The following PARVA variants were observed in gnomAD, a reference collection of about 807,000 sequenced individuals.
PARVA encodes the protein parvin alpha, also known as alpha-parvin.
A neutral mutation model predicts 52.6 loss-of-function variants in PARVA; 25 were observed. The ratio of observed to expected loss-of-function variants is 0.48; its 90% confidence interval spans 0.35 to 0.66. The LOEUF (loss-of-function observed/expected upper bound fraction) is 0.66. Among genes scored for constraint, PARVA ranks in the 30% least tolerant of loss-of-function variants. PARVA has a pLI of 0.01. For missense variants in PARVA, 373 were observed against 450.9 expected, an observed-to-expected ratio of 0.83 and a Z score of 1.56; for synonymous variants, 185 against 179.1, an observed-to-expected ratio of 1.03 and a Z score of -0.26.
intron 1 of PARVA, among the ~76,000 whole-genome samples, chr11:12,424,115 T>A (rs1266362597): frequency 1.3e-5 from 2 of 152,174 alleles, no homozygotes; most frequent in Non-Finnish European, 2.9e-5. Context: ...TATTCCTTTA[T>A]TTTTCCCATT....
At chr11:12,442,349 A>C (rs1940478848) in intron 1 of PARVA, among the ~76,000 whole-genome samples, 1 of 152,242 alleles carries the variant, frequency 6.6e-6, no homozygotes. Flanking sequence ...AGCTTTGGGA[A>C]GCATTAAGCA....
At chr11:12,404,853 C>A (rs1939879142) in intron 1 of PARVA, among the ~76,000 whole-genome samples, 1 of 152,190 alleles carries the variant, frequency 6.6e-6, no homozygotes, top group Non-Finnish European at 1.5e-5. Context: ...TGTCTGAAGT[C>A]ACTGAAGAAA....
chr11:12,514,663 A>G (rs1941547053), intron 10 of PARVA, among the ~76,000 whole-genome samples: 2 of 152,030 alleles, frequency 1.3e-5, no homozygotes, highest in Admixed American at 6.5e-5. Context: ...AATTTTTTGT[A>G]TTTAGTAGAG....
At position 12,531,950 on chromosome 11, in the gene PARVA, A is replaced by G. The variant is rs1045412155; in HGVS notation, c.*4025A>G. Among the ~76,000 whole-genome samples the G allele has an allele frequency of 6.6e-6, 1 of 152,152 alleles. No individual in the cohort carries two copies. Among genetic ancestry groups the G allele is most frequent in the African/African-American group, 2.4e-5 (1 of 41,428 alleles). ...GAAAAGTCAGTATGAGTTACTCACA[A>G]TCCTAACTACAAAGGCTACATTTAC... On this transcript the variant is annotated 3_prime_UTR_variant, in exon 13 of 13. Transcript: ENST00000334956.
intron 1 of PARVA, among the ~76,000 whole-genome samples, chr11:12,389,189 C>G (rs527305615): frequency 6.6e-6 from 1 of 152,262 alleles, no homozygotes; most frequent in East Asian, 1.9e-4. Context: ...AGATTTCCAG[C>G]CTGGCCAGTA....
chr11:12,376,582 C>T (rs906844415), upstream of PARVA: 1 of 171,960 alleles, frequency 5.8e-6, no homozygotes, highest in African/African-American at 2.4e-5. Context: ...TTCAGTAAAG[C>T]AGTAGCGCCC....
chr11:12,500,010 T>C (rs1941346125), intron 5 of PARVA, among the ~76,000 whole-genome samples: 1 of 152,180 alleles, frequency 6.6e-6, no homozygotes, highest in African/African-American at 2.4e-5. Flanking sequence ...CCCACTGATA[T>C]CAATACAGCT....
intron 12 of PARVA, among the ~76,000 whole-genome samples, chr11:12,521,556 C>T (rs1941636653): frequency 6.6e-6 from 1 of 152,166 alleles, no homozygotes; most frequent in Admixed American, 6.5e-5. Flanking sequence ...AATGTGGTCT[C>T]CACCCCTGGC....
chr11:12,392,602 T>G (rs1039140391), intron 1 of PARVA, among the ~76,000 whole-genome samples: 5 of 152,202 alleles, frequency 3.3e-5, no homozygotes, highest in African/African-American at 9.7e-5. Context: ...TATTTGAATA[T>G]GCCACATTTT....
intron 8 of PARVA, chr11:12,513,097 A>G: frequency 1.4e-6 from 1 of 693,074 alleles, no homozygotes; most frequent in Admixed American, 2.0e-5. Flanking sequence ...ACGGACACAG[A>G]CACAGGCTCC....
chr11:12,530,320 T>C lies in PARVA; in HGVS notation c.*2395T>C, dbSNP rs1275366344. The C allele has an allele frequency of 6.6e-6, 1 of 152,106 alleles. No homozygotes were observed. The highest frequency in any genetic ancestry group is 6.6e-5 in the Admixed American group (1 of 15,266). The allele number at this position is 152,106 out of a possible 1,614,324, so 9.4% of individuals were successfully genotyped here. On this transcript the variant is annotated 3_prime_UTR_variant, in exon 13 of 13. Coordinates refer to ENST00000334956, the MANE Select transcript of PARVA (RefSeq NM_018222.5). ...AACCTGGAATCTCCTACTTAATATA[T>C]GACCATGACTTTGAAAGGCAAAAGA... is the stretch of plus-strand genomic sequence containing the variant.
intron 1 of PARVA, among the ~76,000 whole-genome samples, chr11:12,398,022 A>G (rs1282644581): frequency 6.6e-6 from 1 of 152,044 alleles, no homozygotes; most frequent in Non-Finnish European, 1.5e-5. Context: ...CAGGCCCAGA[A>G]CAGCTGGGCC....
At chr11:12,411,562 A>C (rs111235703) in intron 1 of PARVA, among the ~76,000 whole-genome samples, 35 of 152,130 alleles carry the variant, frequency 2.3e-4, no homozygotes, top group Non-Finnish European at 4.7e-4. Flanking sequence ...TGGCTATAAT[A>C]GCTTTTTTAC....
rs576330549 is a variant in PARVA, at chr11:12,422,897, C to G, written c.136+45114C>G. Among the ~76,000 whole-genome samples the G allele has an allele frequency of 1.6e-3, 245 of 151,924 alleles. 1 individual carries two copies. The highest frequency in any genetic ancestry group is 5.5e-3 in the African/African-American group (229 of 41,418). On this transcript the variant is annotated intron_variant, in intron 1 of 12. Transcript: ENST00000334956. ...TTGATACTGAGTCTTGCTCTGTTGCCCAGGCTGGAGTGTAGTGGCACAATC... is the reference window on the plus strand; with the variant it reads ...TTGATACTGAGTCTTGCTCTGTTGCGCAGGCTGGAGTGTAGTGGCACAATC...
chr11:12,475,404 C>T (rs1160975999), intron 3 of PARVA, among the ~76,000 whole-genome samples: 1 of 152,238 alleles, frequency 6.6e-6, no homozygotes, highest in Non-Finnish European at 1.5e-5. Flanking sequence ...ATGCACTTCT[C>T]TGTCTCCTTT....
Position 12,517,692 on chromosome 11 carries a change from C to T in PARVA, c.950C>T (p.Pro317Leu), listed in dbSNP as rs756984126. The change falls in exon 11 of 13, where the codon CCG becomes CTG. Residue 317 changes from proline to leucine, a missense_variant. Physicochemically the swap from Pro to Leu is moderately conservative, Grantham distance 98 (BLOSUM62 -3). Coordinates refer to ENST00000334956, the MANE Select transcript of PARVA (RefSeq NM_018222.5). ...FVPLHSFFLT[P>L]DSFEQKVLNV... ...CCCCTGCACAGCTTCTTCCTGACCC[C>T]GGACAGCTTTGAACAGAAGGTAAGG... The T allele has an allele frequency of 4.9e-5, 78 of 1,600,902 alleles. No individual in the cohort carries two copies. The Middle Eastern group carries it at 4.9e-4, about 10-fold the overall frequency.
chr11:12,418,033 GAAA>G (rs1940091874), intron 1 of PARVA, among the ~76,000 whole-genome samples: 1 of 152,008 alleles, frequency 6.6e-6, no homozygotes, highest in Admixed American at 6.5e-5. Flanking sequence ...TCACTTGAGA[GAAA>G]AAAACAAAAA....
chr11:12,477,623 C>T (rs888886068), intron 3 of PARVA, among the ~76,000 whole-genome samples: 8 of 149,954 alleles, frequency 5.3e-5, no homozygotes, highest in Non-Finnish European at 7.5e-5. Flanking sequence ...TGGAACACTC[C>T]CATAGTCTCA....
intron 1 of PARVA, among the ~76,000 whole-genome samples, chr11:12,422,366 T>C (rs1419567563): frequency 1.3e-5 from 2 of 152,186 alleles, no homozygotes; most frequent in Non-Finnish European, 2.9e-5. Flanking sequence ...TAAAGAAGAA[T>C]TAAGGATAAA....
Sources: allele counts gnomAD v4.1 joint callset (sites outside exome capture counted in the v4.1 genomes callset), GRCh38; gene constraint gnomAD v4.1.1; transcripts MANE v1.5; gene names NCBI Gene and HGNC (gene_info 2026-07-23, HGNC 2026-07-21).